The following PDPR variants were observed in gnomAD, a reference collection of about 807,000 sequenced individuals.
PDPR encodes pyruvate dehydrogenase phosphatase regulatory subunit, mitochondrial.
PDPR carries 50 observed loss-of-function variants against 102.2 expected under a neutral mutation model. That is an observed-to-expected ratio of 0.49 (90% CI 0.39 to 0.62). The LOEUF (loss-of-function observed/expected upper bound fraction) is 0.62, where lower values mean the gene tolerates loss of function less well. Among genes scored for constraint, PDPR ranks in the 20% least tolerant of loss-of-function variants. The probability of loss-of-function intolerance (pLI) is 0.00; values close to 1 mark genes in which losing one functional copy is unlikely to be tolerated. For missense variants in PDPR, 625 were observed against 1,098.2 expected (o/e 0.57, Z 6.09); for synonymous variants, 259 against 406.0 (o/e 0.64, Z 4.35).
intron 3 of PDPR, among the ~76,000 whole-genome samples, chr16:70,125,462 G>A (rs1477795234): frequency 6.6e-6 from 1 of 151,298 alleles, no homozygotes; most frequent in African/African-American, 2.4e-5. Context: ...ACTGAGGCAG[G>A]AGAATAGCTT....
rs543248883 is a variant in PDPR, at chr16:70,122,185, C to A, written c.227+1466C>A. ...TTTTTTTAGTAGAGACAGGATTTCA[C>A]CGTGTTAGCCAGGCTGGTCTTGGAC... On this transcript the variant is annotated intron_variant, in intron 3 of 18. Coordinates refer to ENST00000288050, the MANE Select transcript of PDPR (RefSeq NM_017990.5). 1.1e-4 allele frequency among the ~76,000 whole-genome samples: 17 copies of A among 152,360 alleles called. No individual in the cohort carries two copies. The South Asian group carries it at 3.5e-3, about 32-fold the overall frequency.
intron 4 of PDPR, among the ~76,000 whole-genome samples, chr16:70,128,500 TTACAAGCATGAGC>T (rs1964208409): frequency 6.6e-6 from 1 of 152,254 alleles, no homozygotes; most frequent in Non-Finnish European, 1.5e-5. Flanking sequence ...AGTGCTGCGA[TTACAAGCATGAGC>T]CACTACACCT....
intron 15 of PDPR, among the ~76,000 whole-genome samples, chr16:70,145,116 G>C (rs1337591406): frequency 6.6e-6 from 1 of 152,166 alleles, no homozygotes; most frequent in Non-Finnish European, 1.5e-5. Context: ...AGCTGGACAT[G>C]GTGGTGCATG....
At chr16:70,129,174 C>A (rs532473683) in intron 6 of PDPR, 52 bp downstream of exon 6, 8 of 1,613,516 alleles carry the variant, frequency 5.0e-6, no homozygotes, top group Non-Finnish European at 6.8e-6. Flanking sequence ...AAGACATTAC[C>A]TAAGGAAGTG....
At chr16:70,155,849 C>G (rs1265785741) in intron 18 of PDPR, among the ~76,000 whole-genome samples, 1 of 145,034 alleles carries the variant, frequency 6.9e-6, no homozygotes, top group African/African-American at 2.6e-5. Context: ...TCAACCGAGG[C>G]TGGACTGCAG....
At chr16:70,150,395 C>G (rs373022925) in intron 17 of PDPR, among the ~76,000 whole-genome samples, 2 of 133,934 alleles carry the variant, frequency 1.5e-5, no homozygotes, top group African/African-American at 5.8e-5. Flanking sequence ...TGAGCCACCG[C>G]ACCCGGGCCC....
intron 9 of PDPR, among the ~76,000 whole-genome samples, chr16:70,135,941 C>T (rs1417759312): frequency 2.2e-4 from 33 of 152,294 alleles, no homozygotes; most frequent in African/African-American, 3.4e-4. Context: ...TGGTGGTGCA[C>T]GCCTGTAATC....
intron 17 of PDPR, among the ~76,000 whole-genome samples, chr16:70,151,292 A>G (rs939776339): frequency 2.0e-5 from 3 of 152,146 alleles, no homozygotes; most frequent in Non-Finnish European, 2.9e-5. Context: ...CTGGACTCTA[A>G]CTCCAGCCTC....
At chr16:70,153,948 G>A (rs1208209142) in intron 18 of PDPR, among the ~76,000 whole-genome samples, 2 of 152,280 alleles carry the variant, frequency 1.3e-5, no homozygotes, top group African/African-American at 4.8e-5. Context: ...GGGAGGCCAA[G>A]GCGGGCGGAT....
chr16:70,162,653 G>A (rs1198184933), downstream of PDPR: 1 of 152,890 alleles, frequency 6.5e-6, no homozygotes, highest in Non-Finnish European at 1.5e-5. Context: ...GTGTGAGGGA[G>A]GATTTGGGGA....
At chr16:70,118,416 T>C (rs1288120257) in intron 2 of PDPR, among the ~76,000 whole-genome samples, 3 of 152,256 alleles carry the variant, frequency 2.0e-5, no homozygotes, top group African/African-American at 4.8e-5. Context: ...GACAGAGGTC[T>C]GCCTGTGGCT....
intron 11 of PDPR, among the ~76,000 whole-genome samples, chr16:70,141,314 T>C (rs1489309879): frequency 6.6e-6 from 1 of 152,254 alleles, no homozygotes; most frequent in Non-Finnish European, 1.5e-5. Context: ...GACCTCTCAG[T>C]GCTGGGTTTA....
chr16:70,153,630 C>T, intron 18 of PDPR, 57 bp downstream of exon 18: 1 of 1,492,188 alleles, frequency 6.7e-7, no homozygotes, highest in Non-Finnish European at 9.0e-7. Flanking sequence ...TGAATCTGCA[C>T]TAGACTAGGA....
At chr16:70,152,599 A>G (rs925021641) in intron 17 of PDPR, among the ~76,000 whole-genome samples, 5 of 152,298 alleles carry the variant, frequency 3.3e-5, no homozygotes, top group East Asian at 3.8e-4. Context: ...GGTGCAGTTC[A>G]TAGAAACATA....
chr16:70,132,398 A>G, intron 9 of PDPR, 98 bp downstream of exon 9: 1 of 1,260,676 alleles, frequency 7.9e-7, no homozygotes, highest in South Asian at 1.4e-5. Flanking sequence ...TAATGTTTAT[A>G]ACATCGCCAT....
intron 10 of PDPR, among the ~76,000 whole-genome samples, chr16:70,137,177 C>G (rs143781182): frequency 0.019 from 2,877 of 151,574 alleles, 25 homozygotes; most frequent in African/African-American, 0.066. Context: ...ACAGTGAAAC[C>G]CCATCTCTAC....
At chr16:70,125,077 T>C (rs1055863812) in intron 3 of PDPR, among the ~76,000 whole-genome samples, 1 of 152,154 alleles carries the variant, frequency 6.6e-6, no homozygotes, top group Non-Finnish European at 1.5e-5. Flanking sequence ...TGATTCAAAA[T>C]TGAAAATATG....
chr16:70,143,594 G>A lies in PDPR; in HGVS notation c.1690G>A (p.Gly564Ser), dbSNP rs369641860. 744 of 1,612,248 alleles carry A rather than the reference G, an allele frequency of 4.6e-4. No individual in the cohort carries two copies. The highest frequency in any genetic ancestry group is 6.0e-4 in the Non-Finnish European group (706 of 1,178,440). The change falls in exon 14 of 19, where the codon GGC becomes AGC. Residue 564 changes from glycine to serine, a missense_variant. This residue lies in a region of PDPR where 28 missense variants were observed against 141.2 expected (regional missense o/e 0.20). Transcript: ENST00000288050. ...GCCTGTGGGCCACATTGTGCATACT[G>A]GCATGCTCAACGAGGGTGGAGGGTA... Reference protein sequence around the residue: ...DVPVGHIVHTGMLNEGGGYEN... With the variant: ...DVPVGHIVHTSMLNEGGGYEN...
intron 6 of PDPR, 94 bp downstream of exon 6, chr16:70,129,216 T>G: frequency 6.2e-7 from 1 of 1,611,812 alleles, no homozygotes; most frequent in Non-Finnish European, 8.5e-7. Context: ...CAACTCAAGT[T>G]TGGAAAGATT....
Sources: gnomAD v4.1 joint callset for allele counts (sites outside exome capture counted in the v4.1 genomes callset) on GRCh38, gnomAD v4.1.1 for gene constraint, gnomAD v4.1.1 regional missense constraint, MANE v1.5 for transcripts, NCBI Gene and HGNC (gene_info 2026-07-23, HGNC 2026-07-21) for gene names.